CTIF: variants seen among roughly 807,000 people sequenced by gnomAD.
The protein encoded by CTIF is cap binding complex dependent translation initiation factor, also known as CBP80/20-dependent translation initiation factor.
Under a neutral mutation model 66.0 loss-of-function variants are expected in CTIF, and 21 were observed. That is an observed-to-expected ratio of 0.32 (90% CI 0.23 to 0.46). The LOEUF (loss-of-function observed/expected upper bound fraction) is 0.46. Among genes scored for constraint, CTIF ranks in the 20% least tolerant of loss-of-function variants. The pLI, the probability that CTIF is intolerant of heterozygous loss-of-function variation, is 1.00. For synonymous variants in CTIF, 345 were observed against 326.4 expected, an observed-to-expected ratio of 1.06 and a Z score of -0.62; for missense variants, 739 against 812.7, an observed-to-expected ratio of 0.91 and a Z score of 1.10.
Position 48,859,853 on chromosome 18 carries a change from C to T in CTIF, c.*294C>T, listed in dbSNP as rs1168198260. On this transcript the variant is annotated 3_prime_UTR_variant, in exon 12 of 12. Transcript: ENST00000256413. ...TCCTCACTCCCGCCTCTCCCCTCCCCATCAGACCCATCCCCCACGGAGCTT... is the reference window on the plus strand; with the variant it reads ...TCCTCACTCCCGCCTCTCCCCTCCCTATCAGACCCATCCCCCACGGAGCTT... 1.7e-6 allele frequency: 1 copy of T among 591,488 alleles called. No homozygotes were observed. The highest frequency in any genetic ancestry group is 3.2e-6 in the Non-Finnish European group (1 of 313,542). The allele number at this position is 591,488 out of a possible 1,614,324, so 36.6% of individuals were successfully genotyped here.
rs570712158 is a variant in CTIF at position 48,603,646 on chromosome 18, G to A, written c.-28-15892G>A. On this transcript the variant is annotated intron_variant, in intron 1 of 11. Transcript: ENST00000256413. ...GGATGGAAGGATGGATGGATGGATG[G>A]ATGGATGAATGGATGAATGGTGGGT... 5.9e-5 allele frequency among the ~76,000 whole-genome samples: 9 copies of A among 151,772 alleles called. No individual in the cohort carries two copies. In the East Asian group the frequency reaches 1.8e-3, roughly 30 times the overall value.
chr18:48,579,374 G>C (rs1216327745), intron 1 of CTIF, among the ~76,000 whole-genome samples: 1 of 152,164 alleles, frequency 6.6e-6, no homozygotes, highest in East Asian at 1.9e-4. Context: ...TCGCACTCCT[G>C]ACCTCAAGTG....
intron 1 of CTIF, chr18:48,566,197 A>C (rs892366627): frequency 2.0e-5 from 3 of 152,238 alleles, no homozygotes; most frequent in Non-Finnish European, 4.4e-5. Context: ...ACGCAAAAGA[A>C]TAAAACCATC....
At chr18:48,781,017 G>A (rs1444664720) in intron 9 of CTIF, among the ~76,000 whole-genome samples, 1 of 152,224 alleles carries the variant, frequency 6.6e-6, no homozygotes, top group Non-Finnish European at 1.5e-5. Context: ...GGGAGTCACA[G>A]AAGGCGAAGA....
intron 6 of CTIF, chr18:48,682,840 T>C (rs1292564224): frequency 6.6e-6 from 1 of 152,234 alleles, no homozygotes; most frequent in Non-Finnish European, 1.5e-5. Context: ...TTAGGGTTTC[T>C]GGAAGGCTCA....
At chr18:48,631,339 G>A (rs1374963097) in intron 2 of CTIF, among the ~76,000 whole-genome samples, 1 of 152,198 alleles carries the variant, frequency 6.6e-6, no homozygotes, top group African/African-American at 2.4e-5. Context: ...GGTGGAGAAC[G>A]CCTGTAGTCC....
At chr18:48,711,509 C>T in intron 6 of CTIF, 110 bp from the exon 7 acceptor site, 1 of 828,048 alleles carries the variant, frequency 1.2e-6, no homozygotes, top group Non-Finnish European at 2.0e-6. Context: ...TCTCTCCAAA[C>T]TCTTGATGTC....
chr18:48,758,607 T>C (rs184803183), intron 8 of CTIF, among the ~76,000 whole-genome samples: 1 of 151,984 alleles, frequency 6.6e-6, no homozygotes, highest in Non-Finnish European at 1.5e-5. Context: ...CATGAACCCC[T>C]CCAGCACACT....
intron 10 of CTIF, among the ~76,000 whole-genome samples, chr18:48,846,449 G>A (rs972858620): frequency 1.1e-4 from 16 of 152,150 alleles, no homozygotes; most frequent in Non-Finnish European, 2.4e-4. Context: ...CCGAGTGGAT[G>A]GATGGATGGA....
chr18:48,848,443 T>C (rs1045454784), intron 10 of CTIF, among the ~76,000 whole-genome samples: 3 of 152,228 alleles, frequency 2.0e-5, no homozygotes, highest in African/African-American at 7.2e-5. Flanking sequence ...GGCTGAGCTT[T>C]TTCTGCAGCT....
At chr18:48,778,706 G>A (rs866669909) in intron 9 of CTIF, among the ~76,000 whole-genome samples, 8 of 152,154 alleles carry the variant, frequency 5.3e-5, no homozygotes, top group South Asian at 2.1e-4. Context: ...CTGAGGTGGC[G>A]GTGAGGATGG....
At chr18:48,656,682 C>G in intron 3 of CTIF, among the ~76,000 whole-genome samples, 1 of 152,132 alleles carries the variant, frequency 6.6e-6, no homozygotes, top group East Asian at 1.9e-4. Context: ...ATGGGGCCCC[C>G]TAATTGCCAA....
intron 1 of CTIF, among the ~76,000 whole-genome samples, chr18:48,544,253 C>T: frequency 6.6e-6 from 1 of 152,232 alleles, no homozygotes; most frequent in East Asian, 1.9e-4. Flanking sequence ...CTATTTCACA[C>T]AAATTATCCC....
intron 7 of CTIF, among the ~76,000 whole-genome samples, chr18:48,714,957 G>A (rs187567158): frequency 6.6e-6 from 1 of 152,334 alleles, no homozygotes; most frequent in East Asian, 1.9e-4. Flanking sequence ...AGGTGCTCAG[G>A]AAGGCTTTCA....
At chr18:48,561,960 C>G (rs1192892406) in intron 1 of CTIF, among the ~76,000 whole-genome samples, 1 of 152,210 alleles carries the variant, frequency 6.6e-6, no homozygotes, top group African/African-American at 2.4e-5. Context: ...CCTGTTTCTT[C>G]ACGTACATCT....
chr18:48,597,422 G>A (rs2090006290), intron 1 of CTIF, among the ~76,000 whole-genome samples: 1 of 152,204 alleles, frequency 6.6e-6, no homozygotes, highest in African/African-American at 2.4e-5. Flanking sequence ...TCCAGTGTTG[G>A]AGGTGGGGCC....
At chr18:48,613,663 G>A (rs1286874975) in intron 1 of CTIF, among the ~76,000 whole-genome samples, 1 of 152,226 alleles carries the variant, frequency 6.6e-6, no homozygotes, top group Admixed American at 6.5e-5. Flanking sequence ...TGGCGGCCGA[G>A]TCTGGATGAG....
intron 1 of CTIF, 137 bp from the exon 2 acceptor site, chr18:48,619,401 T>C (rs2090452239): frequency 1.8e-6 from 1 of 563,914 alleles, no homozygotes; most frequent in East Asian, 3.2e-5. Flanking sequence ...CTCGCTGACT[T>C]CTCAGGGTTG....
rs540779188 is a variant in CTIF, at chr18:48,782,954, C to T, written c.1371+21265C>T. Among the ~76,000 whole-genome samples the T allele has an allele frequency of 3.3e-5, 5 of 152,332 alleles. No homozygotes were observed. In the East Asian group the frequency reaches 5.8e-4, roughly 18 times the overall value. Reference sequence around the variant, plus strand: ...GGCAGGAGTGGGAAGTGGGGAGCTTCGCCTGTAGACCCTTCTCCCCTGCCC... The same window carrying T: ...GGCAGGAGTGGGAAGTGGGGAGCTTTGCCTGTAGACCCTTCTCCCCTGCCC... On this transcript the variant is annotated intron_variant, in intron 9 of 11. Transcript: ENST00000256413.
Sources: gnomAD v4.1 joint callset for allele counts (sites outside exome capture counted in the v4.1 genomes callset) on GRCh38, gnomAD v4.1.1 for gene constraint, MANE v1.5 for transcripts, NCBI Gene and HGNC (gene_info 2026-07-23, HGNC 2026-07-21) for gene names.